Variants in CDH4 observed in about 807,000 individuals in gnomAD.
The protein encoded by CDH4 is cadherin-4.
A neutral mutation model predicts 86.0 loss-of-function variants in CDH4; 33 were observed. That is an observed-to-expected ratio of 0.38 (90% CI 0.29 to 0.51). The LOEUF (loss-of-function observed/expected upper bound fraction) is 0.51, where lower values mean the gene tolerates loss of function less well. CDH4 is among the 20% of genes least tolerant of loss of function. The probability of loss-of-function intolerance (pLI) is 0.86; values close to 1 mark genes in which losing one functional copy is unlikely to be tolerated. For synonymous variants in CDH4, 555 were observed against 549.4 expected, an observed-to-expected ratio of 1.01 and a Z score of -0.14; for missense variants, 1,114 against 1,307.4, an observed-to-expected ratio of 0.85 and a Z score of 2.28.
At chr20:61,539,724 TCCTGGTGGTGTCCCCCCCAAGC>T (rs2086025144) in intron 2 of CDH4, among the ~76,000 whole-genome samples, 6 of 152,166 alleles carry the variant, frequency 3.9e-5, no homozygotes, top group Admixed American at 3.9e-4. Context: ...GGCTTGGGGC[TCCTGGTGGTGTCCCCCCCAAGC>T]CCTGCTGTCA....
chr20:61,372,759 T>C (rs1230663398), intron 2 of CDH4, among the ~76,000 whole-genome samples: 1 of 151,512 alleles, frequency 6.6e-6, no homozygotes, highest in African/African-American at 2.4e-5. Context: ...GAGCAAAGCC[T>C]CCCAGGTTTC....
At chr20:61,919,533 C>T (rs1038896401) in intron 9 of CDH4, among the ~76,000 whole-genome samples, 1 of 152,212 alleles carries the variant, frequency 6.6e-6, no homozygotes, top group Non-Finnish European at 1.5e-5. Flanking sequence ...AGGTGGTTCA[C>T]GAGGGGTGGG....
intron 2 of CDH4, among the ~76,000 whole-genome samples, chr20:61,539,703 C>T (rs6061277): frequency 0.053 from 8,001 of 152,274 alleles, 714 homozygotes; most frequent in African/African-American, 0.18. Flanking sequence ...GGCAGTGGTC[C>T]GCCAAGCATT....
At chr20:61,340,246 C>T (rs1244577689) in intron 2 of CDH4, among the ~76,000 whole-genome samples, 1 of 152,142 alleles carries the variant, frequency 6.6e-6, no homozygotes, top group Non-Finnish European at 1.5e-5. Flanking sequence ...GAGACTCAAC[C>T]TGACCCTGAG....
At chr20:61,773,208 A>G in intron 4 of CDH4, 26 bp downstream of exon 4, 1 of 1,507,650 alleles carries the variant, frequency 6.6e-7, no homozygotes, top group East Asian at 2.5e-5. Context: ...TCCCGCGGGC[A>G]CGGGGGTCTC....
At chr20:61,498,737 A>T (rs2085679682) in intron 2 of CDH4, among the ~76,000 whole-genome samples, 1 of 152,204 alleles carries the variant, frequency 6.6e-6, no homozygotes, top group East Asian at 1.9e-4. Flanking sequence ...AAATACACTA[A>T]AGATAGCTGA....
intron 3 of CDH4, among the ~76,000 whole-genome samples, chr20:61,749,948 C>T (rs2145952656): frequency 6.6e-6 from 1 of 152,270 alleles, no homozygotes; most frequent in Non-Finnish European, 1.5e-5. Context: ...GTAATCCCAG[C>T]TGCTCAGGAG....
In CDH4 at chr20:61,623,583, C is replaced by T. The variant is rs902529152; in HGVS notation, c.170-119980C>T. On this transcript the variant is annotated intron_variant, in intron 2 of 15. Transcript: ENST00000614565. This position sits in a 1 kb window ranked among gnomAD's most constrained non-coding sequence, Gnocchi z 4.4. ...CAGGGTCATCAAGAGCTAGACCCAGCGGCCGTGTTGTCTTTCCTCTACATG... is the reference window on the plus strand; with the variant it reads ...CAGGGTCATCAAGAGCTAGACCCAGTGGCCGTGTTGTCTTTCCTCTACATG... 2.0e-5 allele frequency among the ~76,000 whole-genome samples: 3 copies of T among 152,156 alleles called. No individual in the cohort carries two copies. Among genetic ancestry groups the T allele is most frequent in the Admixed American group, 6.5e-5 (1 of 15,276 alleles).
At chr20:61,781,178 C>G (rs1216832496) in intron 4 of CDH4, among the ~76,000 whole-genome samples, 3 of 152,118 alleles carry the variant, frequency 2.0e-5, no homozygotes, top group Admixed American at 6.5e-5. Flanking sequence ...GGAAAGATAA[C>G]AGAACCAGGG....
intron 4 of CDH4, among the ~76,000 whole-genome samples, chr20:61,839,824 G>C (rs1372116233): frequency 6.6e-6 from 1 of 151,690 alleles, no homozygotes; most frequent in Non-Finnish European, 1.5e-5. Context: ...TGTGTGTTGT[G>C]TGTCTGTGTG....
At chr20:61,643,772 A>T (rs963491974) in intron 2 of CDH4, among the ~76,000 whole-genome samples, 5 of 152,226 alleles carry the variant, frequency 3.3e-5, no homozygotes, top group African/African-American at 9.6e-5. Context: ...TTTCTGTTCC[A>T]TGTTCTTTAA....
rs765499019 is a variant in CDH4 at position 61,278,578 on chromosome 20, G to T, written c.169+23641G>T. ...GAGGCCCTCTTACGCCTGGTGCTCA[G>T]CCCTTGGGAAGTGGCTCAGCTTCCC... On this transcript the variant is annotated intron_variant, in intron 2 of 15. Coordinates refer to ENST00000614565, the MANE Select transcript of CDH4 (RefSeq NM_001794.5). 6.6e-5 allele frequency among the ~76,000 whole-genome samples: 10 copies of T among 152,266 alleles called. 1 individual carries two copies. The highest frequency in any genetic ancestry group is 1.5e-4 in the Non-Finnish European group (10 of 68,050).
At chr20:61,552,577 G>A (rs1311243430) in intron 2 of CDH4, among the ~76,000 whole-genome samples, 1 of 152,158 alleles carries the variant, frequency 6.6e-6, no homozygotes, top group Non-Finnish European at 1.5e-5. Context: ...GGACATACCT[G>A]TAATCCCAAC....
intron 2 of CDH4, among the ~76,000 whole-genome samples, chr20:61,596,755 C>T (rs1186031640): frequency 6.6e-6 from 1 of 152,150 alleles, no homozygotes; most frequent in African/African-American, 2.4e-5. Context: ...GATCACTCCT[C>T]CGTGGGGCTG....
chr20:61,344,054 C>T (rs868834594), intron 2 of CDH4, among the ~76,000 whole-genome samples: 2 of 152,100 alleles, frequency 1.3e-5, no homozygotes, highest in Non-Finnish European at 2.9e-5. Context: ...GACATAGGAG[C>T]GTGGTGAAGC....
rs894435166 is a variant in CDH4, at chr20:61,516,896, C to T, written c.170-226667C>T. 6.6e-6 allele frequency among the ~76,000 whole-genome samples: 1 copy of T among 152,220 alleles called. No homozygotes were observed. Among genetic ancestry groups the T allele is most frequent in the African/African-American group, 2.4e-5 (1 of 41,454 alleles). On this transcript the variant is annotated intron_variant, in intron 2 of 15. Coordinates refer to ENST00000614565, the MANE Select transcript of CDH4 (RefSeq NM_001794.5). This position sits in a 1 kb window ranked among gnomAD's most constrained non-coding sequence, Gnocchi z 4.0. ...AGCAAGGAGCTCCAGGCACCCTCAG[C>T]CTGTCAACTTTTCAACTCCTCCAGC...
At chr20:61,532,167 A>G (rs549863192) in intron 2 of CDH4, among the ~76,000 whole-genome samples, 6 of 152,274 alleles carry the variant, frequency 3.9e-5, no homozygotes, top group African/African-American at 1.2e-4. Flanking sequence ...ACCATCCCCA[A>G]TCGCCTGCAG....
chr20:61,680,447 G>C (rs1348518319), intron 2 of CDH4, among the ~76,000 whole-genome samples: 1 of 152,234 alleles, frequency 6.6e-6, no homozygotes, highest in Non-Finnish European at 1.5e-5. Flanking sequence ...ATGGGAGGCT[G>C]TGGGGAGAGT....
chr20:61,471,318 G>A (rs1330868606), intron 2 of CDH4, among the ~76,000 whole-genome samples: 2 of 151,952 alleles, frequency 1.3e-5, no homozygotes, highest in Non-Finnish European at 2.9e-5. Context: ...TCATACAGTT[G>A]CTCATAGTAG....
Sources: allele counts gnomAD v4.1 joint callset (sites outside exome capture counted in the v4.1 genomes callset), GRCh38; gene constraint gnomAD v4.1.1; non-coding constraint Gnocchi (gnomAD v3.1); transcripts MANE v1.5; gene names NCBI Gene and HGNC (gene_info 2026-07-23, HGNC 2026-07-21).